The following FUT6 variants were observed in gnomAD, a reference collection of about 807,000 sequenced individuals.
FUT6 encodes the protein 4-galactosyl-N-acetylglucosaminide 3-alpha-L-fucosyltransferase FUT6.
For missense variants in FUT6, 454 were observed against 494.6 expected, an observed-to-expected ratio of 0.92 and a Z score of 0.78; for synonymous variants, 187 against 209.9, an observed-to-expected ratio of 0.89 and a Z score of 0.94.
Position 5,839,540 on chromosome 19 carries a change from C to G in FUT6, c.-1004G>C, listed in dbSNP as rs1371994499. 1 of 152,268 alleles carries G rather than the reference C, an allele frequency of 6.6e-6. No individual in the cohort carries two copies. 9.4% of individuals were successfully genotyped at this position (152,268 alleles called of 1,614,324 possible). A position where few individuals can be genotyped will look rare whatever the true frequency, so the allele number is the denominator to read the frequency against. On this transcript the variant is annotated 5_prime_UTR_variant, in exon 1 of 3. Coordinates refer to ENST00000318336, the MANE Select transcript of FUT6 (RefSeq NM_000150.4). ...ATGTCGATACATGTTTTCAGATGCT[C>G]TCTTCTGGTAGGCTGGGCACAGGTC...
rs564457318 is a variant in FUT6 at position 5,834,687 on chromosome 19, C to G, written c.-13+263G>C. 3 of 152,416 alleles carry G rather than the reference C, an allele frequency of 2.0e-5. No homozygotes were observed. The South Asian group carries it at 6.2e-4, about 32-fold the overall frequency. The allele number at this position is 152,416 out of a possible 1,614,324, so 9.4% of individuals were successfully genotyped here. ...GTGGCATGCGCGCCTGTATTCTCAG[C>G]TACTTGGGAAGCTGAGCCATGAGAA... On this transcript the variant is annotated intron_variant, in intron 2 of 2. Transcript: ENST00000318336.
chr19:5,837,707 A>G (rs1160964784), intron 1 of FUT6, among the ~76,000 whole-genome samples: 1 of 152,154 alleles, frequency 6.6e-6, no homozygotes, highest in East Asian at 1.9e-4. Flanking sequence ...CGGAGCTTGC[A>G]GTGAGCCAAG....
rs1388398506 is a variant in FUT6, at chr19:5,838,668, A to C, written c.-141+9T>G. 1 of 152,422 alleles carries C rather than the reference A, an allele frequency of 6.6e-6. No homozygotes were observed. The highest frequency in any genetic ancestry group is 2.4e-5 in the African/African-American group (1 of 41,420). 9.4% of individuals were successfully genotyped at this position (152,422 alleles called of 1,614,324 possible). A position where few individuals can be genotyped will look rare whatever the true frequency, so the allele number is the denominator to read the frequency against. ...GGGTTGGGGGTGAAAGTGGGACAAG[A>C]GGCCTTACCTGGGGGGGCCAGTGTG... On this transcript the variant is annotated intron_variant, in intron 1 of 2. Transcript: ENST00000318336.
Position 5,831,659 on chromosome 19 carries a change from C to A in FUT6, c.909G>T (p.Arg303=). The A allele has an allele frequency of 6.2e-7, 1 of 1,612,930 alleles. No homozygotes were observed. Among genetic ancestry groups the A allele is most frequent in the Non-Finnish European group, 8.5e-7 (1 of 1,179,936 alleles). The change falls in exon 3 of 3, where the codon CGG becomes CGT. Residue 303 remains arginine, a synonymous_variant. Transcript: ENST00000318336. The surrounding 1 kb of genome is among the most constrained non-coding windows in gnomAD (Gnocchi z 7.0). ...GGTCCTTGTCCAGCTCCTGCAGGTA[C>A]CGGGCCAGGTCCTTGGGGCTCTGGA... The part of the protein sequence containing the change: ...DDFQSPKDLA[R]YLQELDKDHA...
intron 2 of FUT6, 49 bp downstream of exon 2, chr19:5,834,901 T>C (rs1336957760): frequency 6.6e-6 from 1 of 152,224 alleles, no homozygotes. Flanking sequence ...TTTTCATGTA[T>C]GGGGTGAGAC....
intron 1 of FUT6, chr19:5,838,044 T>C (rs1201172390): frequency 6.6e-6 from 1 of 152,066 alleles, no homozygotes; most frequent in African/African-American, 2.4e-5. Context: ...CATTTAATAT[T>C]AATATATTAT....
Position 5,831,032 on chromosome 19 carries a change from A to G in FUT6, c.*456T>C, listed in dbSNP as rs890497032. On this transcript the variant is annotated 3_prime_UTR_variant, in exon 3 of 3. Coordinates refer to ENST00000318336, the MANE Select transcript of FUT6 (RefSeq NM_000150.4). The surrounding 1 kb of genome is among the most constrained non-coding windows in gnomAD (Gnocchi z 7.0). ...AACCATCACTCATGGGTGGGGCCCC[A>G]TGGGTGCCAGTTCCCAGGGCCCAGT... is the stretch of plus-strand genomic sequence containing the variant. The G allele has an allele frequency of 2.0e-6, 1 of 506,244 alleles. No homozygotes were observed. Among genetic ancestry groups the G allele is most frequent in the African/African-American group, 1.9e-5 (1 of 51,996 alleles). 31.4% of individuals were successfully genotyped at this position (506,244 alleles called of 1,614,324 possible).
chr19:5,836,508 G>A (rs1298745269), intron 1 of FUT6, among the ~76,000 whole-genome samples: 1 of 152,130 alleles, frequency 6.6e-6, no homozygotes, highest in African/African-American at 2.4e-5. Context: ...GCACCACGGC[G>A]CCCGGCCCAA....
intron 1 of FUT6, among the ~76,000 whole-genome samples, chr19:5,836,504 C>T (rs1029153135): frequency 9.9e-5 from 15 of 152,162 alleles, no homozygotes; most frequent in African/African-American, 2.7e-4. Flanking sequence ...GCGTGCACCA[C>T]GGCGCCCGGC....
rs199791598 is a variant in FUT6 at position 5,832,430 on chromosome 19, A to G, written c.138T>C (p.Asn46=). Residue 46 remains asparagine (N), a synonymous_variant, in exon 3 of 3, where the codon AAT becomes AAC. Coordinates refer to ENST00000318336, the MANE Select transcript of FUT6 (RefSeq NM_000150.4). The surrounding 1 kb of genome is among the most constrained non-coding windows in gnomAD (Gnocchi z 4.3). The stretch of plus-strand genomic sequence containing the variant: ...CTGTGCTGTCTGGGAAGCGGGACCC[A>G]TTAGGGTACACAGTGGGATCGTCTT... The part of the protein sequence containing the change: ...VSQDDPTVYP[N]GSRFPDSTGT... The G allele has an allele frequency of 8.2e-5, 132 of 1,613,996 alleles. No individual in the cohort carries two copies. The highest frequency in any genetic ancestry group is 1.0e-4 in the Non-Finnish European group (122 of 1,180,014).
chr19:5,833,152 G>C (rs1334759107), intron 2 of FUT6, among the ~76,000 whole-genome samples: 1 of 152,218 alleles, frequency 6.6e-6, no homozygotes, highest in African/African-American at 2.4e-5. Flanking sequence ...AGGGCTGCCA[G>C]TGTCGAGTTC....
chr19:5,836,302 G>A (rs1415058536), intron 1 of FUT6, among the ~76,000 whole-genome samples: 1 of 151,138 alleles, frequency 6.6e-6, no homozygotes, highest in Non-Finnish European at 1.5e-5. Flanking sequence ...TGCAACCTCC[G>A]CCTCCCGGGT....
intron 2 of FUT6, among the ~76,000 whole-genome samples, chr19:5,833,107 CT>C (rs1399856646): frequency 7.9e-5 from 12 of 152,226 alleles, no homozygotes; most frequent in African/African-American, 2.4e-4. Context: ...GGAGAGACCC[CT>C]GAGCAGTTTG....
chr19:5,831,138 A>G lies in FUT6; in HGVS notation c.*350T>C. The G allele has an allele frequency of 4.9e-6, 3 of 614,074 alleles. No individual in the cohort carries two copies. Among genetic ancestry groups the G allele is most frequent in the Non-Finnish European group, 8.7e-6 (3 of 346,648 alleles). The allele number at this position is 614,074 out of a possible 1,614,324, so 38.0% of individuals were successfully genotyped here. On this transcript the variant is annotated 3_prime_UTR_variant, in exon 3 of 3. Transcript: ENST00000318336. The surrounding 1 kb of genome is among the most constrained non-coding windows in gnomAD (Gnocchi z 7.0). ...TGGAAGGTCTCTGGGAGCAGGTCCC[A>G]GCAGGTAAAGTCCCCAACAGCCGAG...
Position 5,832,840 on chromosome 19 carries a change from C to A in FUT6, c.-12-261G>T, listed in dbSNP as rs2057125921. The A allele has an allele frequency of 1.9e-6, 1 of 518,746 alleles. No homozygotes were observed. The highest frequency in any genetic ancestry group is 3.5e-6 in the Non-Finnish European group (1 of 287,660). The allele number at this position is 518,746 out of a possible 1,614,324, so 32.1% of individuals were successfully genotyped here. On this transcript the variant is annotated intron_variant, in intron 2 of 2. Coordinates refer to ENST00000318336, the MANE Select transcript of FUT6 (RefSeq NM_000150.4). This position sits in a 1 kb window ranked among gnomAD's most constrained non-coding sequence, Gnocchi z 4.3. Reference sequence around the variant, plus strand: ...GTCCCTGGGGAAGTTGGGAGAGGCCCCAAGGGCCCTCAGGTCCCACCTTGA... The same window carrying A: ...GTCCCTGGGGAAGTTGGGAGAGGCCACAAGGGCCCTCAGGTCCCACCTTGA...
At position 5,831,423 on chromosome 19, in the gene FUT6, G is replaced by GCC. The variant is rs774297073; in HGVS notation, c.*63_*64dup. On this transcript the variant is annotated 3_prime_UTR_variant, in exon 3 of 3. Transcript: ENST00000318336. The surrounding 1 kb of genome is among the most constrained non-coding windows in gnomAD (Gnocchi z 7.0). Reference sequence around the variant, plus strand: ...GCAAACGAGTCCTTAGGTAGATGAGGCCCCCACTCAGGTGAGGCCCCAGGA... The same window carrying GCC: ...GCAAACGAGTCCTTAGGTAGATGAGGCCCCCCCACTCAGGTGAGGCCCCAGGA... 3.7e-6 allele frequency: 6 copies of GCC among 1,612,544 alleles called. No individual in the cohort carries two copies. In the Admixed American group the frequency reaches 1.0e-4, roughly 27 times the overall value.
intron 1 of FUT6, among the ~76,000 whole-genome samples, chr19:5,836,140 C>T (rs557314945): frequency 1.3e-5 from 2 of 151,926 alleles, no homozygotes; most frequent in South Asian, 2.1e-4. Context: ...CCACCTGCCT[C>T]GCCTCAGCCT....
In FUT6 at chr19:5,832,459, A is replaced by C. The variant is rs1158026007; in HGVS notation, c.109T>G (p.Ser37Ala). Reference sequence around the variant, plus strand: ...GGGTACACAGTGGGATCGTCTTGAGACACACGCAGATAGGAGAAGAAACAC... The same window carrying C: ...GGGTACACAGTGGGATCGTCTTGAGCCACACGCAGATAGGAGAAGAAACAC... ...AVCFFSYLRV[S>A]QDDPTVYPNG... Residue 37 changes from serine (S) to alanine (A), a missense_variant, in exon 3 of 3, where the codon TCT becomes GCT. Coordinates refer to ENST00000318336, the MANE Select transcript of FUT6 (RefSeq NM_000150.4). The surrounding 1 kb of genome is among the most constrained non-coding windows in gnomAD (Gnocchi z 4.3). 1.9e-6 allele frequency: 3 copies of C among 1,613,748 alleles called. No homozygotes were observed. Among genetic ancestry groups the C allele is most frequent in the Non-Finnish European group, 2.5e-6 (3 of 1,179,958 alleles).
chr19:5,832,551 G>T lies in FUT6; in HGVS notation c.17C>A (p.Pro6Gln), dbSNP rs776920409. The stretch of plus-strand genomic sequence containing the variant: ...GCGCCACGACCACTGTGGCTTGGCC[G>T]GGCCCAGGGGATCCATGGGTCAGAG... MDPLG[P>Q]AKPQWSWRCC... is the part of the protein sequence containing the mutation. The change falls in exon 3 of 3, where the codon CCG becomes CAG. Residue 6 changes from proline (P) to glutamine (Q), a missense_variant. Physicochemically the swap from Pro to Gln is moderately conservative, Grantham distance 76. Coordinates refer to ENST00000318336, the MANE Select transcript of FUT6 (RefSeq NM_000150.4). The surrounding 1 kb of genome is among the most constrained non-coding windows in gnomAD (Gnocchi z 4.3). 1.4e-5 allele frequency: 22 copies of T among 1,613,304 alleles called. No individual in the cohort carries two copies. In the South Asian group the frequency reaches 2.4e-4, roughly 18 times the overall value.
Sources: gnomAD v4.1 joint callset for allele counts (sites outside exome capture counted in the v4.1 genomes callset) on GRCh38, gnomAD v4.1.1 for gene constraint, Gnocchi (gnomAD v3.1) non-coding constraint, MANE v1.5 for transcripts, NCBI Gene and HGNC (gene_info 2026-07-23, HGNC 2026-07-21) for gene names.